KCNAB1: variants seen among roughly 807,000 people sequenced by gnomAD.
KCNAB1 encodes the protein voltage-gated potassium channel subunit beta-1.
Under a neutral mutation model 64.6 loss-of-function variants are expected in KCNAB1, and 35 were observed. That is an observed-to-expected ratio of 0.54 (90% CI 0.41 to 0.72). The LOEUF (loss-of-function observed/expected upper bound fraction) is 0.72, where lower values mean the gene tolerates loss of function less well. Among genes scored for constraint, KCNAB1 ranks in the 30% least tolerant of loss-of-function variants. The probability of loss-of-function intolerance (pLI) is 0.00; values close to 1 mark genes in which losing one functional copy is unlikely to be tolerated. For synonymous variants in KCNAB1, 177 were observed against 183.8 expected, an observed-to-expected ratio of 0.96 and a Z score of 0.30; for missense variants, 401 against 512.9, an observed-to-expected ratio of 0.78 and a Z score of 2.11.
intron 1 of KCNAB1, among the ~76,000 whole-genome samples, chr3:156,191,364 A>C (rs181595327): frequency 6.6e-6 from 1 of 152,346 alleles, no homozygotes; most frequent in Admixed American, 6.5e-5. Context: ...TGCTTTACAG[A>C]ACATTAGCAC....
chr3:156,230,525 A>T (rs2108433758), intron 1 of KCNAB1, among the ~76,000 whole-genome samples: 1 of 152,358 alleles, frequency 6.6e-6, no homozygotes, highest in Middle Eastern at 3.4e-3. Flanking sequence ...GGCTGCATTT[A>T]TTCAGAGATA....
chr3:156,141,294 T>C (rs1714692649), intron 1 of KCNAB1, among the ~76,000 whole-genome samples: 1 of 152,180 alleles, frequency 6.6e-6, no homozygotes, highest in Non-Finnish European at 1.5e-5. Flanking sequence ...TTTAGTTCCA[T>C]GCAGTTTGGT....
At chr3:156,323,073 G>A (rs1722769981) in intron 1 of KCNAB1, among the ~76,000 whole-genome samples, 1 of 152,172 alleles carries the variant, frequency 6.6e-6, no homozygotes, top group African/African-American at 2.4e-5. Flanking sequence ...TCCGCTTGGT[G>A]CACTGATCAG....
chr3:156,228,096 T>C (rs760831984), intron 1 of KCNAB1, among the ~76,000 whole-genome samples: 1 of 152,182 alleles, frequency 6.6e-6, no homozygotes, highest in Non-Finnish European at 1.5e-5. Flanking sequence ...CACAATAATT[T>C]ATTGTACCAA....
At chr3:156,424,632 G>T (rs1715695703) in intron 2 of KCNAB1, among the ~76,000 whole-genome samples, 1 of 152,088 alleles carries the variant, frequency 6.6e-6, no homozygotes, top group African/African-American at 2.4e-5. Flanking sequence ...ACAAGCTTGT[G>T]TCTACGGTGG....
At chr3:156,389,826 G>A (rs1028310480) in intron 1 of KCNAB1, among the ~76,000 whole-genome samples, 2 of 152,162 alleles carry the variant, frequency 1.3e-5, no homozygotes, top group African/African-American at 2.4e-5. Flanking sequence ...ATAGCCACTT[G>A]TCCAAATACA....
chr3:156,527,680 T>C (rs13088140), intron 12 of KCNAB1, among the ~76,000 whole-genome samples: 13,194 of 152,260 alleles, frequency 0.087, 636 homozygotes, highest in Non-Finnish European at 0.11. Context: ...CTCTCAGATG[T>C]CTTTCTCACC....
intron 1 of KCNAB1, among the ~76,000 whole-genome samples, chr3:156,263,591 G>A (rs996993744): frequency 6.6e-6 from 1 of 152,024 alleles, no homozygotes; most frequent in South Asian, 2.1e-4. Flanking sequence ...AAGAATGTGT[G>A]TTCTGCAGTC....
At chr3:156,238,077 G>C (rs1273269219) in intron 1 of KCNAB1, among the ~76,000 whole-genome samples, 4 of 152,186 alleles carry the variant, frequency 2.6e-5, no homozygotes, top group African/African-American at 9.7e-5. Flanking sequence ...CCACAGCTGA[G>C]AAGGTGAGCT....
intron 1 of KCNAB1, among the ~76,000 whole-genome samples, chr3:156,250,790 A>C (rs572029338): frequency 6.6e-6 from 1 of 152,340 alleles, no homozygotes; most frequent in South Asian, 2.1e-4. Context: ...AAAGAGTGAC[A>C]AAGGTCATAG....
intron 4 of KCNAB1, 73 bp downstream of exon 4, chr3:156,457,605 G>C: frequency 7.6e-7 from 1 of 1,316,082 alleles, no homozygotes; most frequent in Admixed American, 1.7e-5. Context: ...ACCATTTCCA[G>C]CATGTTGGTG....
At chr3:156,368,234 G>T (rs1292949109) in intron 1 of KCNAB1, among the ~76,000 whole-genome samples, 3 of 152,134 alleles carry the variant, frequency 2.0e-5, no homozygotes, top group African/African-American at 4.8e-5. Flanking sequence ...ATTTAACTGG[G>T]CATTCTGTAT....
At chr3:156,354,047 A>ATATGTGTGTGTGTGTGTGTG (rs1553851297) in intron 1 of KCNAB1, among the ~76,000 whole-genome samples, 4 of 137,566 alleles carry the variant, frequency 2.9e-5, no homozygotes, top group African/African-American at 1.1e-4. Flanking sequence ...GTGTATATAT[A>ATATGTGTGTGTGTGTGTGTG]TGTGTGTGTG....
At chr3:156,486,739 T>C (rs1715246796) in intron 8 of KCNAB1, among the ~76,000 whole-genome samples, 1 of 151,880 alleles carries the variant, frequency 6.6e-6, no homozygotes, top group Non-Finnish European at 1.5e-5. Context: ...AGGGAGAAAA[T>C]AGAGAAACAG....
At chr3:156,364,587 T>C (rs1290051658) in intron 1 of KCNAB1, among the ~76,000 whole-genome samples, 1 of 152,136 alleles carries the variant, frequency 6.6e-6, no homozygotes, top group Non-Finnish European at 1.5e-5. Context: ...GAGACCACCC[T>C]AACCAACATG....
intron 1 of KCNAB1, among the ~76,000 whole-genome samples, chr3:156,244,065 G>T (rs562765301): frequency 2.7e-4 from 41 of 152,326 alleles, no homozygotes; most frequent in Non-Finnish European, 5.9e-4. Flanking sequence ...CATGCTTTAA[G>T]TTGTTGTAGG....
In KCNAB1 at chr3:156,476,522, T is replaced by C. The variant is rs112776899; in HGVS notation, c.658+1702T>C. Among the ~76,000 whole-genome samples, 983 of 147,544 alleles carry C rather than the reference T, an allele frequency of 6.7e-3. 7 individuals carry two copies. Among genetic ancestry groups the C allele is most frequent in the Non-Finnish European group, 8.6e-3 (575 of 66,892 alleles). Reference sequence around the variant, plus strand: ...TAGTATTCCATCATATATATATATATACACACACACACACACACACACACG... The same window carrying C: ...TAGTATTCCATCATATATATATATACACACACACACACACACACACACACG... On this transcript the variant is annotated intron_variant, in intron 8 of 13. Coordinates refer to ENST00000490337, the MANE Select transcript of KCNAB1 (RefSeq NM_172160.3).
intron 1 of KCNAB1, among the ~76,000 whole-genome samples, chr3:156,135,288 C>T (rs965687800): frequency 2.0e-5 from 3 of 152,080 alleles, no homozygotes; most frequent in African/African-American, 7.2e-5. Context: ...TGCGCCACTG[C>T]ACCCAGCCTG....
intron 1 of KCNAB1, among the ~76,000 whole-genome samples, chr3:156,132,294 T>C (rs1441330051): frequency 3.9e-5 from 6 of 152,194 alleles, no homozygotes; most frequent in African/African-American, 1.4e-4. Context: ...ACTTTCCTGT[T>C]TCACTGAGAA....
Sources: allele counts gnomAD v4.1 joint callset (sites outside exome capture counted in the v4.1 genomes callset), GRCh38; gene constraint gnomAD v4.1.1; transcripts MANE v1.5; gene names NCBI Gene and HGNC (gene_info 2026-07-23, HGNC 2026-07-21).